Variants in KCNAB1 observed in about 807,000 individuals in gnomAD.
KCNAB1 encodes potassium voltage-gated channel subfamily A regulatory beta subunit 1.
Under a neutral mutation model 64.6 loss-of-function variants are expected in KCNAB1, and 35 were observed. The observed-to-expected ratio is 0.54, with a 90% CI of 0.41 to 0.72. KCNAB1 has a LOEUF of 0.72. KCNAB1 is among the 30% of genes least tolerant of loss of function. The probability of loss-of-function intolerance (pLI) is 0.00; values close to 1 mark genes in which losing one functional copy is unlikely to be tolerated. For synonymous variants in KCNAB1, 177 were observed against 183.8 expected, an observed-to-expected ratio of 0.96 and a Z score of 0.30; for missense variants, 401 against 512.9, an observed-to-expected ratio of 0.78 and a Z score of 2.11.
chr3:156,258,970 C>T (rs13077745), intron 1 of KCNAB1, among the ~76,000 whole-genome samples: 19,748 of 152,198 alleles, frequency 0.13, 1,411 homozygotes, highest in African/African-American at 0.14. Context: ...GGAAATGGAA[C>T]GATTCGGCTT....
chr3:156,224,244 C>CA, intron 1 of KCNAB1, among the ~76,000 whole-genome samples: 1 of 152,362 alleles, frequency 6.6e-6, no homozygotes, highest in Middle Eastern at 3.4e-3. Flanking sequence ...AGCCCACGCC[C>CA]ACCCGGAACT....
At chr3:156,361,759 A>C (rs930247361) in intron 1 of KCNAB1, among the ~76,000 whole-genome samples, 2 of 152,160 alleles carry the variant, frequency 1.3e-5, no homozygotes, top group African/African-American at 4.8e-5. Context: ...CCTGGGCTCA[A>C]GGGATCCTCC....
intron 1 of KCNAB1, among the ~76,000 whole-genome samples, chr3:156,209,203 G>A (rs1223442897): frequency 6.6e-6 from 1 of 152,158 alleles, no homozygotes; most frequent in Non-Finnish European, 1.5e-5. Flanking sequence ...TGGAAAGAGG[G>A]GCAAGAGCCA....
At chr3:156,229,308 G>T (rs1716378452) in intron 1 of KCNAB1, among the ~76,000 whole-genome samples, 1 of 152,090 alleles carries the variant, frequency 6.6e-6, no homozygotes, top group South Asian at 2.1e-4. Context: ...GGCCAGAGCA[G>T]GAGGAAGAGA....
At chr3:156,336,431 C>A (rs1413690703) in intron 1 of KCNAB1, among the ~76,000 whole-genome samples, 1 of 152,076 alleles carries the variant, frequency 6.6e-6, no homozygotes, top group Admixed American at 6.6e-5. Flanking sequence ...GAATTAGTTT[C>A]ATAATGTATG....
At chr3:156,147,965 G>A (rs201697985) in intron 1 of KCNAB1, among the ~76,000 whole-genome samples, 57 of 55,672 alleles carry the variant, frequency 1.0e-3, no homozygotes, top group Admixed American at 4.4e-3. Flanking sequence ...ACACACGCAC[G>A]CACACGCACA....
chr3:156,332,265 A>T (rs1723388443), intron 1 of KCNAB1, among the ~76,000 whole-genome samples: 1 of 152,170 alleles, frequency 6.6e-6, no homozygotes, highest in Non-Finnish European at 1.5e-5. Context: ...ATGAATTAAA[A>T]GGGGTCAGGC....
intron 1 of KCNAB1, among the ~76,000 whole-genome samples, chr3:156,386,829 C>T (rs541135180): frequency 6.6e-6 from 1 of 152,242 alleles, no homozygotes; most frequent in South Asian, 2.1e-4. Flanking sequence ...TGACCACCAA[C>T]AGTCTTGGAG....
intron 8 of KCNAB1, among the ~76,000 whole-genome samples, chr3:156,482,990 T>A (rs543286452): frequency 6.6e-4 from 100 of 152,208 alleles, no homozygotes; most frequent in Admixed American, 9.2e-4. Flanking sequence ...TCAAATCAAT[T>A]AAAACACATT....
chr3:156,240,923 T>C (rs73014109), intron 1 of KCNAB1, among the ~76,000 whole-genome samples: 8,441 of 150,082 alleles, frequency 0.056, 771 homozygotes, highest in African/African-American at 0.19. Context: ...TATGGGTAAT[T>C]GGAGCTTAAT....
chr3:156,338,330 T>TTTTTTTTTTTTTC (rs1723871417), intron 1 of KCNAB1, among the ~76,000 whole-genome samples: 3 of 125,950 alleles, frequency 2.4e-5, no homozygotes, highest in African/African-American at 5.7e-5. Context: ...TTTTTTTTTT[T>TTTTTTTTTTTTTC]ACAGAGTTTA....
rs187027180 is a variant in KCNAB1 at position 156,325,934 on chromosome 3, A to G, written c.276-95682A>G. Among the ~76,000 whole-genome samples the G allele has an allele frequency of 2.0e-5, 3 of 152,320 alleles. No individual in the cohort carries two copies. In the East Asian group the frequency reaches 5.8e-4, roughly 29 times the overall value. ...TTCCTCAAGTAAGTTGGGGTTTACA[A>G]AAAGGATACCCATAAGATAATGAAC... On this transcript the variant is annotated intron_variant, in intron 1 of 13. Transcript: ENST00000490337.
intron 1 of KCNAB1, among the ~76,000 whole-genome samples, chr3:156,236,923 A>T (rs1242449618): frequency 6.6e-6 from 1 of 152,212 alleles, no homozygotes; most frequent in Non-Finnish European, 1.5e-5. Flanking sequence ...TAAATATAAC[A>T]AAAGTCTTGC....
chr3:156,127,918 T>TGTGTGTGTGC (rs33965119), intron 1 of KCNAB1, among the ~76,000 whole-genome samples: 21 of 149,954 alleles, frequency 1.4e-4, no homozygotes, highest in South Asian at 6.3e-4. Context: ...TGTGTGTGTG[T>TGTGTGTGTGC]GCACGTGCGT....
chr3:156,360,192 C>A (rs923816633), intron 1 of KCNAB1, among the ~76,000 whole-genome samples: 1 of 152,176 alleles, frequency 6.6e-6, no homozygotes, highest in African/African-American at 2.4e-5. Context: ...ATTTTGTAAT[C>A]AACTAGTCAC....
chr3:156,424,246 C>G (rs1393830323), intron 2 of KCNAB1, among the ~76,000 whole-genome samples: 1 of 152,126 alleles, frequency 6.6e-6, no homozygotes, highest in Admixed American at 6.5e-5. Context: ...GGGTCAGCAA[C>G]TACAACATGA....
chr3:156,194,220 GTT>G (rs201041627), intron 1 of KCNAB1, among the ~76,000 whole-genome samples: 13 of 146,846 alleles, frequency 8.9e-5, no homozygotes, highest in African/African-American at 3.0e-4. Context: ...TCCATTTGTT[GTT>G]TTTTTTTTGT....
intron 1 of KCNAB1, among the ~76,000 whole-genome samples, chr3:156,315,206 A>G (rs965428681): frequency 6.6e-6 from 1 of 152,206 alleles, no homozygotes; most frequent in Non-Finnish European, 1.5e-5. Flanking sequence ...CAATGGTGCT[A>G]TGCGAGTGCC....
intron 1 of KCNAB1, among the ~76,000 whole-genome samples, chr3:156,344,934 A>G (rs1288456323): frequency 6.6e-6 from 1 of 152,206 alleles, no homozygotes; most frequent in Non-Finnish European, 1.5e-5. Context: ...CACATTCTAA[A>G]TAGGCAAAAT....
Sources: gnomAD v4.1 joint callset for allele counts (sites outside exome capture counted in the v4.1 genomes callset) on GRCh38, gnomAD v4.1.1 for gene constraint, MANE v1.5 for transcripts, NCBI Gene and HGNC (gene_info 2026-07-23, HGNC 2026-07-21) for gene names.